The following MIAT variants were observed in gnomAD, a reference collection of about 807,000 sequenced individuals.
MIAT encodes the protein MI related novel mRNA.
chr22:26,656,036 A>T, intron 2 of MIAT: 1 of 146,052 alleles, frequency 6.8e-6, no homozygotes, highest in African/African-American at 2.6e-5. Context: ...TTTCAGATGG[A>T]GTTTCGCTCT....
chr22:26,673,211 GCT>G, downstream of MIAT: 1 of 398,748 alleles, frequency 2.5e-6, no homozygotes, highest in Non-Finnish European at 4.4e-6. Context: ...TGCATCTCTG[GCT>G]CTCTGTTCCC....
At chr22:26,669,340 A>G (rs961094755) in exon 6 of MIAT, 6 of 398,686 alleles carry the variant, frequency 1.5e-5, no homozygotes, top group Admixed American at 8.8e-5. Context: ...TGGAGGCTGG[A>G]AAGTCCAGAT....
At chr22:26,672,809 A>C (rs1393508617), downstream of MIAT, 1 of 398,484 alleles carries the variant, frequency 2.5e-6, no homozygotes. Context: ...GCTAAAAACC[A>C]CTGAGTGGAG....
chr22:26,675,989 C>T, exon 5 of MIAT: 1 of 398,664 alleles, frequency 2.5e-6, no homozygotes. Flanking sequence ...TGAGCCCAAG[C>T]AGGCACATTC....
At chr22:26,673,826 T>G (rs928151420), downstream of MIAT, 5 of 398,566 alleles carry the variant, frequency 1.3e-5, no homozygotes, top group African/African-American at 1.0e-4. Flanking sequence ...GGACCAGGCC[T>G]GATGGAGCAG....
intron 2 of MIAT, among the ~76,000 whole-genome samples, chr22:26,649,686 G>A (rs1417904065): frequency 2.0e-5 from 3 of 152,218 alleles, no homozygotes; most frequent in Admixed American, 6.5e-5. Flanking sequence ...ACACTGAGGC[G>A]GGTGGATCAC....
At chr22:26,650,863 C>T (rs1930324809) in intron 2 of MIAT, among the ~76,000 whole-genome samples, 1 of 152,216 alleles carries the variant, frequency 6.6e-6, no homozygotes, top group Non-Finnish European at 1.5e-5. Context: ...GGGTTTCAAT[C>T]TCAGGTTTAC....
chr22:26,675,025 C>G, exon 5 of MIAT: 1 of 398,836 alleles, frequency 2.5e-6, no homozygotes, highest in Non-Finnish European at 4.4e-6. Flanking sequence ...TGTGCACCTA[C>G]TCTGTGCCAG....
chr22:26,660,235 G>T (rs1776155127), intron 2 of MIAT, among the ~76,000 whole-genome samples: 1 of 151,706 alleles, frequency 6.6e-6, no homozygotes, highest in Non-Finnish European at 1.5e-5. Flanking sequence ...ACTTTGGGAA[G>T]CTGAGGTGGG....
downstream of MIAT, chr22:26,672,587 T>C (rs1438612335): frequency 2.5e-6 from 1 of 398,794 alleles, no homozygotes; most frequent in African/African-American, 2.1e-5. Flanking sequence ...TTGTGTCCTC[T>C]GGAAGGAAGC....
chr22:26,676,088 C>T (rs1931252108), exon 5 of MIAT: 2 of 398,480 alleles, frequency 5.0e-6, no homozygotes, highest in East Asian at 3.6e-5. Flanking sequence ...AGGAATTGGC[C>T]TCCCAATCCG....
intron 2 of MIAT, chr22:26,657,645 C>G: frequency 2.5e-6 from 1 of 398,762 alleles, no homozygotes; most frequent in Non-Finnish European, 4.4e-6. Context: ...CGCAGGACCG[C>G]GGACCCGAGG....
chr22:26,674,905 T>G (rs1602377766), exon 5 of MIAT: 5 of 398,792 alleles, frequency 1.3e-5, no homozygotes, highest in Non-Finnish European at 1.8e-5. Flanking sequence ...TTCGTCATGG[T>G]GCTTTTATAG....
chr22:26,665,595 AAC>A (rs1361577703), exon 4 of MIAT: 2 of 398,820 alleles, frequency 5.0e-6, no homozygotes, highest in Non-Finnish European at 8.8e-6. Context: ...GGACGTTCAC[AAC>A]CACACTGAGA....
At chr22:26,663,347 G>C (rs1930735592) in exon 3 of MIAT, 1 of 398,550 alleles carries the variant, frequency 2.5e-6, no homozygotes, top group Non-Finnish European at 4.4e-6. Flanking sequence ...TGTGGTTCCA[G>C]ACACGTTCAT....
At chr22:26,666,120 C>T (rs776724892) in exon 4 of MIAT, 94 of 398,518 alleles carry the variant, frequency 2.4e-4, no homozygotes, top group Admixed American at 1.6e-3. Context: ...CCCCCACTCC[C>T]GGGTGCTGAC....
downstream of MIAT, chr22:26,674,157 G>T (rs967848896): frequency 2.5e-6 from 1 of 398,602 alleles, no homozygotes; most frequent in African/African-American, 2.1e-5. Flanking sequence ...TTATAACTCC[G>T]TCAGTCATTT....
At chr22:26,670,631 G>A (rs1254560895), downstream of MIAT, 10 of 363,304 alleles carry the variant, frequency 2.8e-5, no homozygotes, top group Admixed American at 1.0e-4. Flanking sequence ...AAAAAAGCAG[G>A]TTCTAATTCA....
At chr22:26,655,454 C>T (rs1930410353) in intron 2 of MIAT, among the ~76,000 whole-genome samples, 2 of 152,178 alleles carry the variant, frequency 1.3e-5, no homozygotes, top group African/African-American at 4.8e-5. Flanking sequence ...ACAATATTCA[C>T]AGAAATGTGA....
Sources: allele counts gnomAD v4.1 joint callset (sites outside exome capture counted in the v4.1 genomes callset), GRCh38; gene constraint gnomAD v4.1.1; transcripts MANE v1.5; gene names NCBI Gene and HGNC (gene_info 2026-07-23, HGNC 2026-07-21).